The following RBFOX1 variants were observed in gnomAD, a reference collection of about 807,000 sequenced individuals.
The protein encoded by RBFOX1 is RNA binding fox-1 homolog 1.
In RBFOX1, 8 loss-of-function variants were observed where a neutral mutation model predicts 57.7. The ratio of observed to expected loss-of-function variants is 0.14; its 90% confidence interval spans 0.08 to 0.25. The LOEUF is 0.25. RBFOX1 is among the 10% of genes least tolerant of loss of function. The probability of loss-of-function intolerance (pLI) is 1.00; values close to 1 mark genes in which losing one functional copy is unlikely to be tolerated. For missense variants in RBFOX1, 611 were observed against 548.5 expected (o/e 1.11, Z -1.14); for synonymous variants, 326 against 222.4 (o/e 1.47, Z -4.15).
chr16:6,917,257 C>T (rs1055500021), intron 3 of RBFOX1, among the ~76,000 whole-genome samples: 1 of 152,200 alleles, frequency 6.6e-6, no homozygotes, highest in Admixed American at 6.5e-5. Flanking sequence ...TGCAAAGAGT[C>T]TGTCCCAGCT....
chr16:6,904,205 C>A (rs938913037), intron 3 of RBFOX1, among the ~76,000 whole-genome samples: 1 of 152,168 alleles, frequency 6.6e-6, no homozygotes, highest in Non-Finnish European at 1.5e-5. Context: ...TAACACATTG[C>A]ATGCACTTTT....
chr16:7,563,443 T>C lies in RBFOX1; in HGVS notation c.271-16334T>C, dbSNP rs957417357. On this transcript the variant is annotated intron_variant, in intron 5 of 15. Transcript: ENST00000550418. ...AGTCTATAAATGTGTCTTGTTGTTA[T>C]TGCTATTGTTATATATATACATGTT... 2.0e-5 allele frequency among the ~76,000 whole-genome samples: 3 copies of C among 152,182 alleles called. No individual in the cohort carries two copies. The South Asian group carries it at 6.2e-4, about 32-fold the overall frequency.
At chr16:7,290,799 C>T (rs1026764444) in intron 4 of RBFOX1, among the ~76,000 whole-genome samples, 2 of 152,138 alleles carry the variant, frequency 1.3e-5, no homozygotes, top group African/African-American at 2.4e-5. Flanking sequence ...CATTAACACT[C>T]GCTGTAATGT....
intron 2 of RBFOX1, among the ~76,000 whole-genome samples, chr16:6,607,440 C>G (rs561807590): frequency 6.7e-6 from 1 of 149,262 alleles, no homozygotes; most frequent in African/African-American, 2.5e-5. Flanking sequence ...CTCTCTCGCT[C>G]TCTATCTCTC....
At chr16:6,256,526 T>G (rs12925536) in intron 1 of RBFOX1, among the ~76,000 whole-genome samples, 115,106 of 151,036 alleles carry the variant, frequency 0.76, 45,962 homozygotes, top group Non-Finnish European at 0.87. Flanking sequence ...TTAGTCTAAG[T>G]CTTTGAACTT....
chr16:5,597,555 A>G (rs1035292226), intron 2 of RBFOX1, among the ~76,000 whole-genome samples: 1 of 151,832 alleles, frequency 6.6e-6, no homozygotes, highest in Non-Finnish European at 1.5e-5. Context: ...GCCCGCCACC[A>G]CAGCCTGGCT....
intron 3 of RBFOX1, among the ~76,000 whole-genome samples, chr16:5,801,333 C>T (rs2055048275): frequency 8.3e-6 from 1 of 120,464 alleles, no homozygotes; most frequent in African/African-American, 3.1e-5. Context: ...CTCTCTCCCT[C>T]CCTCTCTCTT....
intron 1 of RBFOX1, among the ~76,000 whole-genome samples, chr16:6,283,014 G>T (rs1360325762): frequency 6.6e-6 from 1 of 152,160 alleles, no homozygotes; most frequent in East Asian, 1.9e-4. Context: ...GTCTAGATGT[G>T]CTCCTACATC....
chr16:5,460,492 G>C lies in RBFOX1; in HGVS notation c.220-6724G>C, dbSNP rs150847026. On this transcript the variant is annotated intron_variant, in intron 1 of 2. Transcript: ENST00000585867. ...ACATCACATAGATAAGTTTTGTTGGGGTCCTGCAGAGGCTCAGGGCCCAGG... is the reference window on the plus strand; with the variant it reads ...ACATCACATAGATAAGTTTTGTTGGCGTCCTGCAGAGGCTCAGGGCCCAGG... Among the ~76,000 whole-genome samples the C allele has an allele frequency of 2.4e-4, 37 of 152,264 alleles. 1 individual carries two copies. The South Asian group carries it at 3.9e-3, about 16-fold the overall frequency.
intron 4 of RBFOX1, among the ~76,000 whole-genome samples, chr16:5,979,791 G>A (rs2060136252): frequency 6.6e-6 from 1 of 152,040 alleles, no homozygotes; most frequent in Non-Finnish European, 1.5e-5. Context: ...GAACCCGGGA[G>A]GCAGAGGTTG....
chr16:7,255,667 G>T (rs2153042782), intron 4 of RBFOX1, among the ~76,000 whole-genome samples: 1 of 152,162 alleles, frequency 6.6e-6, no homozygotes, highest in South Asian at 2.1e-4. Flanking sequence ...CATATGCAAA[G>T]TAATTTTTTT....
At chr16:5,581,703 A>C (rs2046673445) in intron 2 of RBFOX1, among the ~76,000 whole-genome samples, 1 of 152,232 alleles carries the variant, frequency 6.6e-6, no homozygotes, top group African/African-American at 2.4e-5. Flanking sequence ...AGCCAGGGTG[A>C]CAGACAGCTG....
intron 3 of RBFOX1, among the ~76,000 whole-genome samples, chr16:5,817,306 C>A (rs996473412): frequency 2.0e-5 from 3 of 152,284 alleles, no homozygotes; most frequent in Admixed American, 1.3e-4. Context: ...TCCCCAGTTC[C>A]CCTCACATTT....
chr16:7,222,045 G>C (rs1164912058), intron 4 of RBFOX1, among the ~76,000 whole-genome samples: 1 of 152,108 alleles, frequency 6.6e-6, no homozygotes, highest in African/African-American at 2.4e-5. Context: ...AAATTTTTCC[G>C]TGAAGACACA....
chr16:6,729,701 G>C (rs1009686649), intron 3 of RBFOX1, among the ~76,000 whole-genome samples: 1 of 152,112 alleles, frequency 6.6e-6, no homozygotes, highest in Non-Finnish European at 1.5e-5. Context: ...TTTGTTGGAA[G>C]GTAGAGTGAC....
chr16:6,291,070 C>T (rs1049083087), intron 1 of RBFOX1, among the ~76,000 whole-genome samples: 1 of 152,142 alleles, frequency 6.6e-6, no homozygotes, highest in Non-Finnish European at 1.5e-5. Context: ...GTTGCCATGG[C>T]ATCTGTAAAC....
intron 5 of RBFOX1, among the ~76,000 whole-genome samples, chr16:7,558,499 G>A (rs965533598): frequency 6.6e-6 from 1 of 151,266 alleles, no homozygotes; most frequent in African/African-American, 2.4e-5. Flanking sequence ...ACATATTTTC[G>A]TATATGTATA....
At chr16:6,698,205 T>C (rs891334477) in intron 3 of RBFOX1, among the ~76,000 whole-genome samples, 2 of 152,296 alleles carry the variant, frequency 1.3e-5, no homozygotes, top group East Asian at 3.9e-4. Context: ...TGCTCCAATT[T>C]GACAATTAGA....
intron 2 of RBFOX1, among the ~76,000 whole-genome samples, chr16:5,587,722 A>C (rs1402512027): frequency 6.6e-6 from 1 of 152,154 alleles, no homozygotes; most frequent in African/African-American, 2.4e-5. Context: ...CGAAAAAGTC[A>C]GATAATTTTA....
Sources: gnomAD v4.1 joint callset for allele counts (sites outside exome capture counted in the v4.1 genomes callset) on GRCh38, gnomAD v4.1.1 for gene constraint, MANE v1.5 for transcripts, NCBI Gene and HGNC (gene_info 2026-07-23, HGNC 2026-07-21) for gene names.